CELF4: variants seen among roughly 807,000 people sequenced by gnomAD.
The protein encoded by CELF4 is CUG-BP- and ETR-3-like factor 4.
Under a neutral mutation model 59.9 loss-of-function variants are expected in CELF4, and 18 were observed. The ratio of observed to expected loss-of-function variants is 0.30; its 90% CI spans 0.21 to 0.45. The LOEUF is 0.45. CELF4 is among the 20% of genes least tolerant of loss of function. The pLI is 1.00. For missense variants in CELF4, 456 were observed against 689.0 expected, an observed-to-expected ratio of 0.66 and a Z score of 3.79; for synonymous variants, 261 against 267.1, an observed-to-expected ratio of 0.98 and a Z score of 0.22.
At chr18:37,438,942 G>A (rs1381035672) in intron 2 of CELF4, among the ~76,000 whole-genome samples, 2 of 152,090 alleles carry the variant, frequency 1.3e-5, no homozygotes, top group African/African-American at 2.4e-5. Context: ...AAGATGGATG[G>A]CAATATTTCC....
At chr18:37,546,922 A>T (rs1279780688) in intron 1 of CELF4, among the ~76,000 whole-genome samples, 3 of 152,032 alleles carry the variant, frequency 2.0e-5, no homozygotes, top group Non-Finnish European at 4.4e-5. Context: ...ACAACCCCTC[A>T]TCTCTCCTGT....
At chr18:37,300,197 G>A (rs2095916302) in intron 3 of CELF4, among the ~76,000 whole-genome samples, 1 of 140,296 alleles carries the variant, frequency 7.1e-6, no homozygotes, top group Non-Finnish European at 1.5e-5. Flanking sequence ...GTGCCTGCTT[G>A]TTGCATGTGA....
At chr18:37,451,271 T>G (rs1273867504) in intron 2 of CELF4, among the ~76,000 whole-genome samples, 1 of 151,868 alleles carries the variant, frequency 6.6e-6, no homozygotes, top group East Asian at 1.9e-4. Flanking sequence ...ATAAGGGAGG[T>G]GGACAGTGTG....
intron 2 of CELF4, among the ~76,000 whole-genome samples, chr18:37,467,456 T>C (rs2099811774): frequency 6.6e-6 from 1 of 151,986 alleles, no homozygotes; most frequent in East Asian, 1.9e-4. Flanking sequence ...TGGCTTTACT[T>C]GTTAGCAATG....
Position 37,403,121 on chromosome 18 carries a change from G to C in CELF4, c.370-81240C>G, listed in dbSNP as rs182994082. ...GACAGTGAGAGTGAGGGGAGAGATG[G>C]GGCGAGGAGGGGAGACAGGCAGAGA... On this transcript the variant is annotated intron_variant, in intron 2 of 12. Transcript: ENST00000420428. 2.0e-4 allele frequency among the ~76,000 whole-genome samples: 31 copies of C among 152,268 alleles called. 1 individual carries two copies. The highest frequency in any genetic ancestry group is 1.9e-3 in the Admixed American group (29 of 15,304).
At chr18:37,317,082 C>A (rs953264786) in intron 3 of CELF4, among the ~76,000 whole-genome samples, 2 of 152,152 alleles carry the variant, frequency 1.3e-5, no homozygotes, top group Non-Finnish European at 2.9e-5. Context: ...CTTGAGGTTG[C>A]TGTATAAATT....
At chr18:37,278,993 G>T (rs1348700692) in intron 3 of CELF4, among the ~76,000 whole-genome samples, 1 of 152,218 alleles carries the variant, frequency 6.6e-6, no homozygotes, top group Non-Finnish European at 1.5e-5. Flanking sequence ...TTTCGCAAGA[G>T]TCTTGGAGAA....
chr18:37,260,732 A>G (rs1347523203), intron 10 of CELF4, among the ~76,000 whole-genome samples: 1 of 152,026 alleles, frequency 6.6e-6, no homozygotes. Flanking sequence ...CTATTCCCTC[A>G]AGGTCCACAG....
intron 2 of CELF4, among the ~76,000 whole-genome samples, chr18:37,424,261 C>T (rs1190693579): frequency 2.0e-5 from 3 of 152,142 alleles, no homozygotes; most frequent in African/African-American, 7.2e-5. Flanking sequence ...AGACTTTACC[C>T]TGAATGACAA....
chr18:37,510,629 A>C (rs2099943168), intron 1 of CELF4, among the ~76,000 whole-genome samples: 1 of 152,164 alleles, frequency 6.6e-6, no homozygotes. Flanking sequence ...GCCTTTCTAC[A>C]TGCCTGGTGG....
At position 37,243,186 on chromosome 18, in the gene CELF4, C is replaced by CTTTTTTTTTTTTTTT. The variant is rs561464294; in HGVS notation, c.*2041_*2055dup. ...TGTTTTCTTTTTTTTTTCTTTTTTTCTTTTTTTTTTTTTTTTTTTTACATC... is the reference window on the plus strand; with the variant it reads ...TGTTTTCTTTTTTTTTTCTTTTTTTCTTTTTTTTTTTTTTTTTTTTTTTTTTTTTTTTTTTACATC... On this transcript the variant is annotated 3_prime_UTR_variant, in exon 13 of 13. Coordinates refer to ENST00000420428, the MANE Select transcript of CELF4 (RefSeq NM_020180.4). 4 of 100,574 alleles carry CTTTTTTTTTTTTTTT rather than the reference C, an allele frequency of 4.0e-5. No homozygotes were observed. Among genetic ancestry groups the CTTTTTTTTTTTTTTT allele is most frequent in the East Asian group, 3.0e-4 (1 of 3,382 alleles). 6.2% of individuals were successfully genotyped at this position (100,574 alleles called of 1,614,324 possible). A position where few individuals can be genotyped will look rare whatever the true frequency, so the allele number is the denominator to read the frequency against.
intron 2 of CELF4, among the ~76,000 whole-genome samples, chr18:37,356,561 T>TGCTGGGGAGGTCAGAGGC (rs368677182): frequency 0.018 from 2,739 of 151,884 alleles, 90 homozygotes; most frequent in African/African-American, 0.063. Context: ...AGGTCAGAGG[T>TGCTGGGGAGGTCAGAGGC]GCAGAGAGTA....
chr18:37,335,715 G>A (rs555408490), intron 2 of CELF4, among the ~76,000 whole-genome samples: 13 of 152,146 alleles, frequency 8.5e-5, no homozygotes, highest in Middle Eastern at 3.4e-3. Context: ...TTTCACAGGT[G>A]CACTGCCCCT....
chr18:37,362,968 C>G (rs1479813571), intron 2 of CELF4, among the ~76,000 whole-genome samples: 1 of 152,214 alleles, frequency 6.6e-6, no homozygotes, highest in Admixed American at 6.5e-5. Flanking sequence ...CCCTGGCACA[C>G]AGTAGGGTCT....
rs140840380 is a variant in CELF4 at position 37,335,580 on chromosome 18, G to C, written c.370-13699C>G. 1.0e-3 allele frequency among the ~76,000 whole-genome samples: 159 copies of C among 151,942 alleles called. 3 individuals carry two copies. The East Asian group carries it at 0.022, about 21-fold the overall frequency. On this transcript the variant is annotated intron_variant, in intron 2 of 12. Transcript: ENST00000420428. ...GCGTGCTGTGTAAGTGTGGGAGTGT[G>C]GTCAGGCGTGGCCCCCTGCTGGCCT... is the stretch of plus-strand genomic sequence containing the variant.
rs1446216978 is a variant in CELF4, at chr18:37,273,658, C to T, written c.802-495G>A. ...CAAAGGTGAGTGCGGACAGGGGAGG[C>T]TGCGGAATGTGGCCAAGGCGGACAG... On this transcript the variant is annotated intron_variant, in intron 6 of 12. Transcript: ENST00000420428. The T allele has an allele frequency of 5.1e-6, 5 of 987,958 alleles. No homozygotes were observed. In the East Asian group the frequency reaches 4.5e-4, roughly 89 times the overall value. The allele number at this position is 987,958 out of a possible 1,614,324, so 61.2% of individuals were successfully genotyped here.
Position 37,427,039 on chromosome 18 carries a change from G to GC in CELF4, c.369+58485_369+58486insG, listed in dbSNP as rs900387636. Among the ~76,000 whole-genome samples the GC allele has an allele frequency of 1.9e-3, 47 of 24,360 alleles. No homozygotes were observed. The East Asian group carries it at 0.17, about 86-fold the overall frequency. 16.0% of individuals were successfully genotyped at this position (24,360 alleles called of 152,430 possible). On this transcript the variant is annotated intron_variant, in intron 2 of 12. Coordinates refer to ENST00000420428, the MANE Select transcript of CELF4 (RefSeq NM_020180.4). ...GGGTGCTGGCAGCAGCAGGGACACG[G>GC]GGGGGGGGGAAGCTGGGCACCCTGG...
intron 1 of CELF4, among the ~76,000 whole-genome samples, chr18:37,532,288 G>A (rs945928917): frequency 2.0e-5 from 3 of 152,142 alleles, no homozygotes; most frequent in African/African-American, 7.2e-5. Flanking sequence ...TGAACATCCC[G>A]GCACTTTGAA....
At chr18:37,506,854 G>C (rs907198746) in intron 1 of CELF4, among the ~76,000 whole-genome samples, 1 of 152,188 alleles carries the variant, frequency 6.6e-6, no homozygotes, top group Admixed American at 6.5e-5. Flanking sequence ...GCACTTTTCT[G>C]CTTCCTAAGC....
Sources: allele counts gnomAD v4.1 joint callset (sites outside exome capture counted in the v4.1 genomes callset), GRCh38; gene constraint gnomAD v4.1.1; transcripts MANE v1.5; gene names NCBI Gene and HGNC (gene_info 2026-07-23, HGNC 2026-07-21).